ARMH3: variants seen among roughly 807,000 people sequenced by gnomAD.
ARMH3 encodes the protein armadillo like helical domain containing 3.
ARMH3 carries 60 observed loss-of-function variants against 99.1 expected under a neutral mutation model. The observed-to-expected ratio is 0.61, with a 90% CI of 0.49 to 0.75. The LOEUF (loss-of-function observed/expected upper bound fraction) is 0.75, where lower values mean the gene tolerates loss of function less well. Ranked by LOEUF, ARMH3 falls within the 30% of genes least tolerant of loss-of-function variation. The pLI is 0.00. For synonymous variants in ARMH3, 285 were observed against 292.8 expected (o/e 0.97, Z 0.27); for missense variants, 679 against 843.1 (o/e 0.81, Z 2.41).
intron 24 of ARMH3, among the ~76,000 whole-genome samples, chr10:101,868,583 T>C (rs1019793303): frequency 6.6e-6 from 1 of 152,094 alleles, no homozygotes; most frequent in African/African-American, 2.4e-5. Flanking sequence ...CTGTCCTCCT[T>C]CCTCCTCCTC....
intron 23 of ARMH3, among the ~76,000 whole-genome samples, chr10:101,893,439 T>C (rs974908737): frequency 6.6e-6 from 1 of 152,092 alleles, no homozygotes; most frequent in Non-Finnish European, 1.5e-5. Context: ...TGTTCTTGTT[T>C]TTTATTATTA....
intron 22 of ARMH3, among the ~76,000 whole-genome samples, chr10:101,944,448 A>G (rs1844426740): frequency 6.6e-6 from 1 of 151,740 alleles, no homozygotes; most frequent in Non-Finnish European, 1.5e-5. Flanking sequence ...AACCCCAAGC[A>G]AAATAAAGAA....
rs2067368002 is a variant in ARMH3, at chr10:102,039,895, T to C, written c.102+118A>G. 3 of 889,312 alleles carry C rather than the reference T, an allele frequency of 3.4e-6. No individual in the cohort carries two copies. The South Asian group carries it at 4.5e-5, about 13-fold the overall frequency. 55.1% of individuals were successfully genotyped at this position (889,312 alleles called of 1,614,324 possible). On this transcript the variant is annotated intron_variant, in intron 2 of 25. Coordinates refer to ENST00000370033, the MANE Select transcript of ARMH3 (RefSeq NM_024541.3). ...TTTTTGCCCTCAAACCCTCTTTCTCTCCCCTGTCCCACATCCCCCAAGGAA... is the reference window on the plus strand; with the variant it reads ...TTTTTGCCCTCAAACCCTCTTTCTCCCCCCTGTCCCACATCCCCCAAGGAA...
chr10:101,944,273 TAGAGAGAGAGAGAGAGAGAGAGAG>T (rs55633048), intron 22 of ARMH3, among the ~76,000 whole-genome samples: 46 of 25,398 alleles, frequency 1.8e-3, no homozygotes, highest in East Asian at 8.5e-3. Context: ...TATATATATA[TAGAGAGAGAGAGAGAGAGAGAGAG>T]AGAGAGAGAG....
chr10:101,934,085 C>T (rs982734072), intron 23 of ARMH3, among the ~76,000 whole-genome samples: 2 of 152,188 alleles, frequency 1.3e-5, no homozygotes, highest in Non-Finnish European at 2.9e-5. Flanking sequence ...TGCTTGAAGG[C>T]TTATTTCCTG....
At chr10:102,002,948 G>A (rs970114465) in intron 14 of ARMH3, among the ~76,000 whole-genome samples, 4 of 146,790 alleles carry the variant, frequency 2.7e-5, no homozygotes, top group Non-Finnish European at 6.0e-5. Context: ...GTGACACAGC[G>A]AGACTCTGTC....
At chr10:101,907,666 G>A (rs545495899) in intron 23 of ARMH3, among the ~76,000 whole-genome samples, 3 of 152,156 alleles carry the variant, frequency 2.0e-5, no homozygotes, top group Non-Finnish European at 4.4e-5. Context: ...TTACAGGCGT[G>A]AGCCACCGTG....
At chr10:101,991,886 T>C in intron 18 of ARMH3, 83 bp downstream of exon 18, 2 of 1,248,480 alleles carry the variant, frequency 1.6e-6, no homozygotes, top group Admixed American at 3.7e-5. Context: ...AAGAAGCACA[T>C]CAAACAGGTT....
intron 2 of ARMH3, among the ~76,000 whole-genome samples, chr10:102,039,762 C>G (rs2067363745): frequency 6.6e-6 from 1 of 152,142 alleles, no homozygotes; most frequent in African/African-American, 2.4e-5. Context: ...GCCTTCCTCC[C>G]TCCTTTCAAT....
intron 18 of ARMH3, 46 bp downstream of exon 18, chr10:101,991,923 C>T (rs1486614229): frequency 7.3e-6 from 11 of 1,509,616 alleles, no homozygotes. Context: ...TCATGAAAGC[C>T]TATCGCTGTC....
Position 101,973,359 on chromosome 10 carries a change from C to CAAAAAAAA in ARMH3, c.1495+1845_1495+1852dup, listed in dbSNP as rs56712768. 1.5e-4 allele frequency among the ~76,000 whole-genome samples: 12 copies of CAAAAAAAA among 80,066 alleles called. 1 individual carries two copies. The highest frequency in any genetic ancestry group is 3.9e-4 in the South Asian group (1 of 2,568). The allele number at this position is 80,066 out of a possible 152,430, so 52.5% of individuals were successfully genotyped here. A position where few individuals can be genotyped will look rare whatever the true frequency, so the allele number is the denominator to read the frequency against. ...TGGGCGACAGAGCGAGACTCCGTCT[C>CAAAAAAAA]AAAAAAAAAAAAAAAAAAAGAAAAA... On this transcript the variant is annotated intron_variant, in intron 20 of 25. Coordinates refer to ENST00000370033, the MANE Select transcript of ARMH3 (RefSeq NM_024541.3).
At chr10:102,023,835 C>T (rs1330637453) in intron 6 of ARMH3, 86 bp from the exon 7 acceptor site, 1 of 1,255,930 alleles carries the variant, frequency 8.0e-7, no homozygotes, top group Admixed American at 2.0e-5. Flanking sequence ...CTAAGAGAAA[C>T]AAAAATATTA....
intron 24 of ARMH3, among the ~76,000 whole-genome samples, chr10:101,881,537 T>G (rs1564716237): frequency 6.6e-6 from 1 of 152,080 alleles, no homozygotes; most frequent in Non-Finnish European, 1.5e-5. Flanking sequence ...AAACGGTAAG[T>G]AGTGACATGT....
At chr10:101,980,877 C>T (rs1846197928) in intron 19 of ARMH3, among the ~76,000 whole-genome samples, 1 of 152,064 alleles carries the variant, frequency 6.6e-6, no homozygotes, top group African/African-American at 2.4e-5. Context: ...TACTATGCAG[C>T]CAGAAAAAGG....
intron 1 of ARMH3, among the ~76,000 whole-genome samples, chr10:102,050,719 T>C (rs2067681404): frequency 1.3e-5 from 2 of 151,522 alleles, no homozygotes; most frequent in Admixed American, 1.3e-4. Context: ...TTAGTCAGCG[T>C]GGTGGCACAT....
chr10:101,852,838 T>C (rs1331446541), intron 24 of ARMH3, among the ~76,000 whole-genome samples: 2 of 151,638 alleles, frequency 1.3e-5, no homozygotes, highest in Non-Finnish European at 2.9e-5. Context: ...AGCTCTCCTC[T>C]TGTCCAGACA....
intron 23 of ARMH3, among the ~76,000 whole-genome samples, chr10:101,921,630 T>G (rs1028649256): frequency 6.6e-6 from 1 of 152,104 alleles, no homozygotes; most frequent in Non-Finnish European, 1.5e-5. Context: ...TATATACACA[T>G]GATGGAATAC....
Position 101,847,393 on chromosome 10 carries a change from G to T in ARMH3, c.*135C>A. The T allele has an allele frequency of 1.2e-6, 1 of 831,816 alleles. No homozygotes were observed. Among genetic ancestry groups the T allele is most frequent in the Non-Finnish European group, 2.0e-6 (1 of 504,846 alleles). The allele number at this position is 831,816 out of a possible 1,614,324, so 51.5% of individuals were successfully genotyped here. A position where few individuals can be genotyped will look rare whatever the true frequency, so the allele number is the denominator to read the frequency against. On this transcript the variant is annotated 3_prime_UTR_variant, in exon 26 of 26. Transcript: ENST00000370033. Reference sequence around the variant, plus strand: ...CCTGCTGCCCAAGCTCCATTGAAGTGCGGTCTTCACCAAGAGAACTTGGTA... The same window carrying T: ...CCTGCTGCCCAAGCTCCATTGAAGTTCGGTCTTCACCAAGAGAACTTGGTA...
At chr10:101,964,786 G>A (rs1845460937) in intron 20 of ARMH3, among the ~76,000 whole-genome samples, 1 of 151,096 alleles carries the variant, frequency 6.6e-6, no homozygotes, top group African/African-American at 2.4e-5. Flanking sequence ...AAGGAAGGTG[G>A]ATTACCTGAG....
Sources: gnomAD v4.1 joint callset for allele counts (sites outside exome capture counted in the v4.1 genomes callset) on GRCh38, gnomAD v4.1.1 for gene constraint, MANE v1.5 for transcripts, NCBI Gene and HGNC (gene_info 2026-07-23, HGNC 2026-07-21) for gene names.